Variants in LARGE1 observed in about 807,000 individuals in gnomAD.
LARGE1 encodes the protein LARGE xylosyl- and glucuronyltransferase 1, also known as xylosyl- and glucuronyltransferase LARGE1.
A neutral mutation model predicts 87.6 loss-of-function variants in LARGE1; 43 were observed. The ratio of observed to expected loss-of-function variants is 0.49; its 90% CI spans 0.38 to 0.63. The LOEUF is 0.63. Among genes scored for constraint, LARGE1 ranks in the 30% least tolerant of loss-of-function variants. The pLI is 0.00. For synonymous variants in LARGE1, 434 were observed against 394.6 expected (o/e 1.10, Z -1.18); for missense variants, 802 against 1,000.2 (o/e 0.80, Z 2.67).
intron 1 of LARGE1, among the ~76,000 whole-genome samples, chr22:33,905,901 G>A (rs930666291): frequency 6.6e-6 from 1 of 152,134 alleles, no homozygotes; most frequent in African/African-American, 2.4e-5. Context: ...AGGCTGAGGA[G>A]GGTGTATCAC....
chr22:33,765,861 T>C (rs1200903855), intron 1 of LARGE1, among the ~76,000 whole-genome samples: 1 of 152,254 alleles, frequency 6.6e-6, no homozygotes. Flanking sequence ...TTTTCCTCTC[T>C]CCATCTGCAG....
chr22:33,857,425 C>T (rs1448744320), intron 1 of LARGE1, among the ~76,000 whole-genome samples: 1 of 152,214 alleles, frequency 6.6e-6, no homozygotes, highest in Non-Finnish European at 1.5e-5. Flanking sequence ...AGAAACGATG[C>T]AATCAGAAAA....
chr22:33,379,184 T>C (rs1294040161), intron 9 of LARGE1, among the ~76,000 whole-genome samples: 2 of 151,822 alleles, frequency 1.3e-5, no homozygotes, highest in South Asian at 2.1e-4. Flanking sequence ...CTTTTTTTTT[T>C]TTTTGAGTGT....
chr22:33,256,654 C>T (rs1034213137), intron 11 of LARGE1, among the ~76,000 whole-genome samples: 1 of 152,176 alleles, frequency 6.6e-6, no homozygotes, highest in Non-Finnish European at 1.5e-5. Context: ...AGAAAAGTAG[C>T]ATCTATTCAG....
chr22:33,614,684 T>C (rs1281836613), intron 4 of LARGE1, among the ~76,000 whole-genome samples: 1 of 151,952 alleles, frequency 6.6e-6, no homozygotes, highest in East Asian at 1.9e-4. Flanking sequence ...CGCAGCCCCA[T>C]CTCCCCCATC....
intron 3 of LARGE1, among the ~76,000 whole-genome samples, chr22:33,648,400 G>T (rs1180916089): frequency 1.3e-5 from 2 of 151,620 alleles, no homozygotes; most frequent in African/African-American, 2.4e-5. Context: ...ATTCTTATTT[G>T]TTCTTTAGGT....
intron 2 of LARGE1, chr22:33,725,029 G>A (rs1368988317): frequency 6.5e-6 from 1 of 152,958 alleles, no homozygotes; most frequent in African/African-American, 2.4e-5. Flanking sequence ...GGCTACAAGG[G>A]ATCCATGGAA....
chr22:33,644,171 C>T (rs111949320), intron 3 of LARGE1, among the ~76,000 whole-genome samples: 9 of 152,078 alleles, frequency 5.9e-5, no homozygotes, highest in Admixed American at 3.3e-4. Context: ...GGTAAAATAC[C>T]GGCAAACCGA....
rs377062317 is a variant in LARGE1 at position 33,399,290 on chromosome 22, C to G, written c.893-14986G>C. Among the ~76,000 whole-genome samples the G allele has an allele frequency of 1.5e-4, 23 of 152,288 alleles. No individual in the cohort carries two copies. In the East Asian group the frequency reaches 2.1e-3, roughly 14 times the overall value. On this transcript the variant is annotated intron_variant, in intron 7 of 14. Transcript: ENST00000397394. ...TGATAATATTGGCTTCCAGCTTCAT[C>G]CATGTCCCTGCAAAGGACATGAACT... is the stretch of plus-strand genomic sequence containing the variant.
At chr22:33,645,590 A>G (rs1294149810) in intron 3 of LARGE1, among the ~76,000 whole-genome samples, 1 of 152,244 alleles carries the variant, frequency 6.6e-6, no homozygotes, top group African/African-American at 2.4e-5. Flanking sequence ...AAAATTGACA[A>G]ATGGGATCTA....
intron 6 of LARGE1, among the ~76,000 whole-genome samples, chr22:33,494,923 C>T (rs954787410): frequency 1.8e-4 from 27 of 152,176 alleles, no homozygotes; most frequent in Non-Finnish European, 3.4e-4. Flanking sequence ...CCTCTCTTGG[C>T]GCTGCCTCTA....
intron 11 of LARGE1, among the ~76,000 whole-genome samples, chr22:33,170,239 C>G (rs949297347): frequency 6.6e-6 from 1 of 151,868 alleles, no homozygotes; most frequent in African/African-American, 2.4e-5. Flanking sequence ...CATGGTGGTG[C>G]ACATCTGTAA....
chr22:33,751,149 T>C (rs1276896828), intron 2 of LARGE1, among the ~76,000 whole-genome samples: 1 of 152,196 alleles, frequency 6.6e-6, no homozygotes, highest in Non-Finnish European at 1.5e-5. Flanking sequence ...TGAATTATCA[T>C]AAAGTGAGCC....
chr22:33,439,955 G>A (rs1279796868), intron 6 of LARGE1, among the ~76,000 whole-genome samples: 1 of 152,058 alleles, frequency 6.6e-6, no homozygotes. Context: ...TTTTATCTAT[G>A]GAGTGTTTCT....
At chr22:33,413,631 A>AT (rs1418706742) in intron 7 of LARGE1, among the ~76,000 whole-genome samples, 1 of 151,772 alleles carries the variant, frequency 6.6e-6, no homozygotes, top group Non-Finnish European at 1.5e-5. Context: ...TGCCCGGCTA[A>AT]TTTTTTTGTA....
At chr22:33,813,985 C>G (rs986230869) in intron 1 of LARGE1, among the ~76,000 whole-genome samples, 3 of 152,182 alleles carry the variant, frequency 2.0e-5, no homozygotes, top group Middle Eastern at 6.8e-3. Context: ...ATTAATTTTT[C>G]CTGTTTAGAG....
chr22:33,711,261 C>G (rs240091), intron 2 of LARGE1, among the ~76,000 whole-genome samples: 54,301 of 152,040 alleles, frequency 0.36, 10,984 homozygotes, highest in African/African-American at 0.54. Flanking sequence ...TGGAGCGAAG[C>G]GTCCAGGGGG....
intron 1 of LARGE1, among the ~76,000 whole-genome samples, chr22:33,780,179 G>T (rs2085374596): frequency 6.6e-6 from 1 of 152,226 alleles, no homozygotes; most frequent in African/African-American, 2.4e-5. Flanking sequence ...GACGCTGGTT[G>T]TAATGGATTA....
intron 12 of LARGE1, among the ~76,000 whole-genome samples, chr22:33,287,660 A>G (rs1254524062): frequency 6.6e-6 from 1 of 152,194 alleles, no homozygotes; most frequent in African/African-American, 2.4e-5. Context: ...TTAGGGGTCA[A>G]CAATTTGCAG....
Sources: gnomAD v4.1 joint callset for allele counts (sites outside exome capture counted in the v4.1 genomes callset) on GRCh38, gnomAD v4.1.1 for gene constraint, MANE v1.5 for transcripts, NCBI Gene and HGNC (gene_info 2026-07-23, HGNC 2026-07-21) for gene names.